CCDC39: variants seen among roughly 807,000 people sequenced by gnomAD.
CCDC39 encodes coiled-coil domain 39 molecular ruler complex subunit, also known as coiled-coil domain-containing protein 39.
Under a neutral mutation model 121.0 loss-of-function variants are expected in CCDC39, and 113 were observed. The observed-to-expected ratio is 0.93, with a 90% CI of 0.80 to 1.09. The LOEUF is 1.09. Among genes scored for constraint, CCDC39 ranks in the 50% least tolerant of loss-of-function variants. The pLI, the probability that CCDC39 is intolerant of heterozygous loss-of-function variation, is 0.00. For synonymous variants in CCDC39, 349 were observed against 352.2 expected (o/e 0.99, Z 0.10); for missense variants, 1,063 against 1,074.7 (o/e 0.99, Z 0.15).
intron 2 of CCDC39, 148 bp downstream of exon 2, chr3:180,663,719 C>A: frequency 1.3e-6 from 1 of 743,258 alleles, no homozygotes; most frequent in Admixed American, 3.4e-5. Context: ...AAGCCTTTTT[C>A]TATCTACTTT....
intron 19 of CCDC39, 55 bp downstream of exon 19, chr3:180,616,226 C>A: frequency 6.8e-7 from 1 of 1,465,398 alleles, no homozygotes. Flanking sequence ...TGGCTGGAAT[C>A]ACTTAGTGTA....
intron 13 of CCDC39, among the ~76,000 whole-genome samples, chr3:180,639,371 C>T (rs1223304197): frequency 1.3e-5 from 2 of 152,064 alleles, no homozygotes; most frequent in African/African-American, 4.8e-5. Context: ...TGACTGGAAG[C>T]AGCCTAAATG....
chr3:180,672,166 A>G (rs954264529), intron 1 of CCDC39, among the ~76,000 whole-genome samples: 1 of 152,158 alleles, frequency 6.6e-6, no homozygotes, highest in South Asian at 2.1e-4. Context: ...GCCCTTAAGA[A>G]TTGTGCTAAA....
At chr3:180,615,117 T>C (rs761254829) in intron 19 of CCDC39, 40 bp from the exon 20 acceptor site, 8 of 1,430,186 alleles carry the variant, frequency 5.6e-6, no homozygotes, top group Non-Finnish European at 7.5e-6. Flanking sequence ...ATGCAAAGTT[T>C]ATATTTTAGT....
Position 180,654,899 on chromosome 3 carries a change from T to C in CCDC39, c.793A>G (p.Lys265Glu). 1 of 1,592,794 alleles carries C rather than the reference T, an allele frequency of 6.3e-7. No homozygotes were observed. The highest frequency in any genetic ancestry group is 8.5e-7 in the Non-Finnish European group (1 of 1,172,482). ...ATCTCACTTTCCAAAAACTTGATCT[T>C]TTCTTTAACCAAATTTTCTTTTTCT... Reference protein sequence around the residue: ...TREKENLVKEKIKFLESEIGN... With the variant: ...TREKENLVKEEIKFLESEIGN... The change falls in exon 7 of 20, where the codon AAG (lysine) becomes GAG (glutamate). Residue 265 changes from lysine to glutamate, a missense_variant. Physicochemically the swap from Lys to Glu is moderately conservative, Grantham distance 56 (BLOSUM62 1). Coordinates refer to ENST00000476379, the MANE Select transcript of CCDC39 (RefSeq NM_181426.2).
At chr3:180,645,941 G>T (rs1312355603) in intron 11 of CCDC39, among the ~76,000 whole-genome samples, 1 of 151,988 alleles carries the variant, frequency 6.6e-6, no homozygotes, top group Non-Finnish European at 1.5e-5. Context: ...CAGGCCAGGG[G>T]CAAGAAACAA....
intron 14 of CCDC39, among the ~76,000 whole-genome samples, chr3:180,629,692 T>C (rs1717649902): frequency 6.6e-6 from 1 of 152,196 alleles, no homozygotes; most frequent in South Asian, 2.1e-4. Context: ...GTAAACATGC[T>C]ATACAACAAC....
At chr3:180,619,477 A>C in intron 15 of CCDC39, 112 bp from the exon 16 acceptor site, 1 of 664,990 alleles carries the variant, frequency 1.5e-6, no homozygotes, top group Non-Finnish European at 2.6e-6. Flanking sequence ...TAAATTTTTT[A>C]TATCCACTTG....
At chr3:180,677,215 T>TATA (rs1203940702) in intron 1 of CCDC39, among the ~76,000 whole-genome samples, 13 of 110,424 alleles carry the variant, frequency 1.2e-4, no homozygotes, top group Non-Finnish European at 2.1e-4. Flanking sequence ...TATATATATA[T>TATA]AAAATCACAG....
intron 16 of CCDC39, 22 bp from the exon 17 acceptor site, chr3:180,616,988 G>A (rs766044731): frequency 9.5e-6 from 11 of 1,163,286 alleles, no homozygotes; most frequent in Non-Finnish European, 3.5e-6. Flanking sequence ...ATATTAACAT[G>A]TATTTTTTAG....
intron 14 of CCDC39, among the ~76,000 whole-genome samples, chr3:180,626,032 C>T (rs953652556): frequency 6.6e-6 from 1 of 151,836 alleles, no homozygotes; most frequent in Non-Finnish European, 1.5e-5. Flanking sequence ...GGCCCCTGGG[C>T]AGCTGGTGTG....
chr3:180,677,261 TA>T (rs1324956166), intron 1 of CCDC39, among the ~76,000 whole-genome samples: 53 of 129,434 alleles, frequency 4.1e-4, no homozygotes, highest in African/African-American at 1.4e-3. Flanking sequence ...CATTTGAGGA[TA>T]AAATCCAGCC....
intron 1 of CCDC39, among the ~76,000 whole-genome samples, chr3:180,667,024 C>T (rs2108432461): frequency 6.6e-6 from 1 of 152,042 alleles, no homozygotes; most frequent in Non-Finnish European, 1.5e-5. Context: ...AGATAAAACC[C>T]TAAATACTTT....
chr3:180,638,405 G>A (rs760623107), intron 13 of CCDC39, among the ~76,000 whole-genome samples: 4 of 151,992 alleles, frequency 2.6e-5, no homozygotes, highest in Admixed American at 2.0e-4. Flanking sequence ...ACATCAGTTC[G>A]ACAAAACAAA....
At chr3:180,655,823 A>G (rs897296872) in intron 6 of CCDC39, among the ~76,000 whole-genome samples, 4 of 152,184 alleles carry the variant, frequency 2.6e-5, no homozygotes, top group Admixed American at 6.6e-5. Flanking sequence ...AAAGATTTCA[A>G]AGCTGGGAAA....
intron 1 of CCDC39, among the ~76,000 whole-genome samples, chr3:180,678,154 A>G (rs1011692816): frequency 9.9e-5 from 15 of 152,210 alleles, no homozygotes; most frequent in African/African-American, 3.4e-4. Flanking sequence ...AAGAAGCAGG[A>G]TTAGGGTTGG....
intron 14 of CCDC39, among the ~76,000 whole-genome samples, chr3:180,631,198 C>G (rs528545484): frequency 3.9e-5 from 6 of 152,278 alleles, no homozygotes; most frequent in African/African-American, 1.4e-4. Flanking sequence ...GGAGCAAGTT[C>G]ACAGTAAGTT....
At chr3:180,655,375 C>G (rs1202927631) in intron 6 of CCDC39, among the ~76,000 whole-genome samples, 1 of 150,888 alleles carries the variant, frequency 6.6e-6, no homozygotes, top group African/African-American at 2.4e-5. Flanking sequence ...ATAGGAATGT[C>G]TTCACTCAGG....
intron 14 of CCDC39, among the ~76,000 whole-genome samples, chr3:180,625,154 A>T (rs1373185284): frequency 1.3e-5 from 2 of 151,818 alleles, no homozygotes; most frequent in African/African-American, 4.8e-5. Flanking sequence ...CTCAGGCATA[A>T]CTGATAATTT....
Sources: gnomAD v4.1 joint callset for allele counts (sites outside exome capture counted in the v4.1 genomes callset) on GRCh38, gnomAD v4.1.1 for gene constraint, MANE v1.5 for transcripts, NCBI Gene and HGNC (gene_info 2026-07-23, HGNC 2026-07-21) for gene names.